The following MAN1A1 variants were observed in gnomAD, a reference collection of about 807,000 sequenced individuals.
MAN1A1 encodes mannosidase alpha class 1A member 1, also known as mannosyl-oligosaccharide 1,2-alpha-mannosidase IA.
A neutral mutation model predicts 70.8 loss-of-function variants in MAN1A1; 29 were observed. The ratio of observed to expected loss-of-function variants is 0.41; its 90% CI spans 0.31 to 0.56. The LOEUF is 0.56. Ranked by LOEUF, MAN1A1 falls within the 20% of genes least tolerant of loss-of-function variation. The probability of loss-of-function intolerance (pLI) is 0.29; values close to 1 mark genes in which losing one functional copy is unlikely to be tolerated. For synonymous variants in MAN1A1, 349 were observed against 330.1 expected, an observed-to-expected ratio of 1.06 and a Z score of -0.62; for missense variants, 747 against 841.3, an observed-to-expected ratio of 0.89 and a Z score of 1.39.
At position 119,201,405 on chromosome 6, in the gene MAN1A1, C is replaced by T. The variant is rs1368113452; in HGVS notation, c.1117-58G>A. On this transcript the variant is annotated intron_variant, in intron 7 of 12. Coordinates refer to ENST00000368468, the MANE Select transcript of MAN1A1 (RefSeq NM_005907.4). The stretch of plus-strand genomic sequence containing the variant: ...TCTAAAAAACAATTTTCATGCCATT[C>T]TTCTTCTTCTTGAACATACAAGTTG... 3.8e-6 allele frequency: 4 copies of T among 1,065,216 alleles called. No homozygotes were observed. The Admixed American group carries it at 5.4e-5, about 14-fold the overall frequency. The allele number at this position is 1,065,216 out of a possible 1,614,324, so 66.0% of individuals were successfully genotyped here.
intron 3 of MAN1A1, among the ~76,000 whole-genome samples, 198 bp from the exon 4 acceptor site, chr6:119,302,301 T>C (rs770905469): frequency 2.6e-5 from 4 of 152,086 alleles, no homozygotes; most frequent in Non-Finnish European, 2.9e-5. Context: ...ACTGATATAC[T>C]AATCTTTAAA....
intron 5 of MAN1A1, among the ~76,000 whole-genome samples, chr6:119,277,459 T>A (rs1776097015): frequency 6.6e-6 from 1 of 152,170 alleles, no homozygotes; most frequent in Non-Finnish European, 1.5e-5. Flanking sequence ...ACCATAAAAA[T>A]TTTTAACAAA....
chr6:119,276,570 T>C (rs1178185743), intron 5 of MAN1A1, among the ~76,000 whole-genome samples: 2 of 152,222 alleles, frequency 1.3e-5, no homozygotes, highest in Non-Finnish European at 2.9e-5. Flanking sequence ...TTATAAAGCA[T>C]TAGACGGCAG....
chr6:119,347,878 G>A (rs1773774904), intron 2 of MAN1A1, among the ~76,000 whole-genome samples: 1 of 152,220 alleles, frequency 6.6e-6, no homozygotes, highest in African/African-American at 2.4e-5. Flanking sequence ...CTGTGCATTA[G>A]AAATACAAGA....
At chr6:119,294,684 A>G (rs1441588158) in intron 4 of MAN1A1, among the ~76,000 whole-genome samples, 1 of 152,140 alleles carries the variant, frequency 6.6e-6, no homozygotes, top group Non-Finnish European at 1.5e-5. Flanking sequence ...GGTTAAGACC[A>G]ACCAATAAAA....
chr6:119,181,305 C>G (rs912277389), intron 11 of MAN1A1, among the ~76,000 whole-genome samples: 1 of 152,144 alleles, frequency 6.6e-6, no homozygotes, highest in Non-Finnish European at 1.5e-5. Flanking sequence ...CGTACTGGAA[C>G]AAAATCAGCT....
intron 4 of MAN1A1, among the ~76,000 whole-genome samples, chr6:119,295,554 C>A (rs1465939243): frequency 1.3e-5 from 2 of 152,114 alleles, no homozygotes; most frequent in African/African-American, 4.8e-5. Context: ...TACAGCATGA[C>A]AGATCTGATT....
intron 11 of MAN1A1, among the ~76,000 whole-genome samples, chr6:119,187,714 G>A (rs187405018): frequency 1.1e-3 from 165 of 152,314 alleles, no homozygotes; most frequent in African/African-American, 3.9e-3. Flanking sequence ...CCCACTCCTT[G>A]AGGAATAATA....
At chr6:119,291,838 A>G (rs553639469) in intron 4 of MAN1A1, among the ~76,000 whole-genome samples, 2 of 152,168 alleles carry the variant, frequency 1.3e-5, no homozygotes, top group South Asian at 4.2e-4. Flanking sequence ...ATTTACACCA[A>G]TAATAGCTTG....
intron 6 of MAN1A1, among the ~76,000 whole-genome samples, chr6:119,246,926 C>G (rs1269147057): frequency 2.0e-5 from 3 of 152,052 alleles, no homozygotes; most frequent in Non-Finnish European, 4.4e-5. Flanking sequence ...GCATCACATT[C>G]TGCAATAGAG....
rs147162446 is a variant in MAN1A1, at chr6:119,348,476, G to C, written c.590C>G (p.Ala197Gly). 9.5e-5 allele frequency: 153 copies of C among 1,604,962 alleles called. 2 individuals carry two copies. In the African/African-American group the frequency reaches 1.6e-3, roughly 17 times the overall value. The change falls in exon 2 of 13, where the codon GCA becomes GGA. Residue 197 changes from alanine to glycine, a missense_variant. By Grantham distance (60) the Ala-to-Gly change is moderately conservative. Transcript: ENST00000368468. ...CGGCCCACTCACCTCTTTGATCTTT[G>C]CCCTTTTCTCGCGGATGGCGGCGTC... ...PADAAIREKR[A>G]KIKEMMKHAW...
chr6:119,286,648 C>T (rs897628404), intron 5 of MAN1A1, among the ~76,000 whole-genome samples: 2 of 152,060 alleles, frequency 1.3e-5, no homozygotes, highest in Non-Finnish European at 2.9e-5. Flanking sequence ...AAGATGTCTT[C>T]CGCATCTTTT....
intron 5 of MAN1A1, among the ~76,000 whole-genome samples, chr6:119,256,490 G>A (rs932412167): frequency 3.3e-5 from 5 of 151,574 alleles, no homozygotes; most frequent in African/African-American, 1.2e-4. Flanking sequence ...TAAAGTTAAG[G>A]AGGCAAGATG....
intron 2 of MAN1A1, among the ~76,000 whole-genome samples, chr6:119,334,483 C>G (rs1296025922): frequency 6.9e-6 from 1 of 145,842 alleles, no homozygotes; most frequent in Non-Finnish European, 1.5e-5. Context: ...CCAAAATGTT[C>G]TTCTGAAAAT....
intron 4 of MAN1A1, among the ~76,000 whole-genome samples, chr6:119,298,393 TTTAG>T (rs1271812280): frequency 7.2e-5 from 11 of 152,156 alleles, no homozygotes; most frequent in African/African-American, 1.9e-4. Context: ...GGAAATGAGT[TTTAG>T]TTAATTACAG....
Position 119,204,718 on chromosome 6 carries a change from A to G in MAN1A1, c.1116+41T>C, listed in dbSNP as rs1773809778. The stretch of plus-strand genomic sequence containing the variant: ...TCTCAGAGACAATACTGTTTCTCAT[A>G]AGTGTTGCTTTGCAGGCCAAGGCAC... On this transcript the variant is annotated intron_variant, in intron 7 of 12. Coordinates refer to ENST00000368468, the MANE Select transcript of MAN1A1 (RefSeq NM_005907.4). The G allele has an allele frequency of 1.9e-6, 3 of 1,609,888 alleles. No homozygotes were observed. The African/African-American group carries it at 4.0e-5, about 22-fold the overall frequency.
intron 1 of MAN1A1, 110 bp from the exon 2 acceptor site, chr6:119,349,397 G>C (rs998929386): frequency 3.6e-5 from 34 of 947,682 alleles, no homozygotes; most frequent in Non-Finnish European, 4.2e-5. Context: ...CCCTTAAGCA[G>C]AGTCCTGTCC....
chr6:119,239,103 C>T (rs1288178538), intron 6 of MAN1A1, among the ~76,000 whole-genome samples: 1 of 152,038 alleles, frequency 6.6e-6, no homozygotes, highest in Admixed American at 6.5e-5. Flanking sequence ...TGGTCTCGAT[C>T]TCCTGACCTC....
chr6:119,200,126 T>C (rs1582690144), intron 8 of MAN1A1, among the ~76,000 whole-genome samples: 1 of 152,186 alleles, frequency 6.6e-6, no homozygotes, highest in Non-Finnish European at 1.5e-5. Context: ...AGAGCACATA[T>C]GTATTCACAA....
Sources: allele counts gnomAD v4.1 joint callset (sites outside exome capture counted in the v4.1 genomes callset), GRCh38; gene constraint gnomAD v4.1.1; transcripts MANE v1.5; gene names NCBI Gene and HGNC (gene_info 2026-07-23, HGNC 2026-07-21).